Variants in KCMF1 observed in about 807,000 individuals in gnomAD.
KCMF1 encodes E3 ubiquitin-protein ligase KCMF1.
A neutral mutation model predicts 41.1 loss-of-function variants in KCMF1; 3 were observed. The observed-to-expected ratio is 0.07, with a 90% CI of 0.03 to 0.19. The LOEUF (loss-of-function observed/expected upper bound fraction) is 0.19. Ranked by LOEUF, KCMF1 falls within the 10% of genes least tolerant of loss-of-function variation. KCMF1 has a pLI of 1.00. For missense variants in KCMF1, 286 were observed against 488.9 expected (o/e 0.58, Z 3.91); for synonymous variants, 142 against 164.5 (o/e 0.86, Z 1.04).
At position 85,055,516 on chromosome 2, in the gene KCMF1, C is replaced by T. The variant is rs963773258; in HGVS notation, c.*2107C>T. 6.6e-6 allele frequency: 1 copy of T among 152,122 alleles called. No individual in the cohort carries two copies. The highest frequency in any genetic ancestry group is 2.4e-5 in the African/African-American group (1 of 41,436). 9.4% of individuals were successfully genotyped at this position (152,122 alleles called of 1,614,324 possible). ...TTCAGAGCAGTTTAATTTAGATGAT[C>T]ACTTTTAACACTGCAGAAGACCTAA... On this transcript the variant is annotated 3_prime_UTR_variant, in exon 7 of 7. Coordinates refer to ENST00000409785, the MANE Select transcript of KCMF1 (RefSeq NM_020122.5).
At chr2:85,047,670 T>C (rs1205702124) in intron 5 of KCMF1, among the ~76,000 whole-genome samples, 1 of 149,856 alleles carries the variant, frequency 6.7e-6, no homozygotes, top group Admixed American at 6.6e-5. Context: ...ACCTAGGAAG[T>C]TGGTAGCAGA....
At chr2:85,027,081 G>T (rs202154524) in intron 1 of KCMF1, among the ~76,000 whole-genome samples, 2 of 152,058 alleles carry the variant, frequency 1.3e-5, no homozygotes, top group African/African-American at 4.8e-5. Flanking sequence ...GTGTTATTTT[G>T]TGCCCCTAGG....
chr2:85,046,882 G>GACA (rs1205827118), intron 5 of KCMF1, among the ~76,000 whole-genome samples: 1 of 152,064 alleles, frequency 6.6e-6, no homozygotes, highest in Non-Finnish European at 1.5e-5. Flanking sequence ...GTGAGTACAG[G>GACA]ACAATAAGAT....
At chr2:85,039,818 C>CT (rs923326422) in intron 3 of KCMF1, among the ~76,000 whole-genome samples, 18 of 150,884 alleles carry the variant, frequency 1.2e-4, no homozygotes, top group Admixed American at 4.6e-4. Flanking sequence ...ATGTTTTTTC[C>CT]TTTTTTTTTG....
chr2:85,025,633 G>A (rs1675084592), intron 1 of KCMF1, among the ~76,000 whole-genome samples: 2 of 152,142 alleles, frequency 1.3e-5, no homozygotes, highest in East Asian at 3.9e-4. Flanking sequence ...TTTGAGATAG[G>A]AGTCCCGCTC....
intron 1 of KCMF1, among the ~76,000 whole-genome samples, chr2:84,986,703 G>A (rs1047460590): frequency 7.3e-5 from 11 of 151,160 alleles, no homozygotes; most frequent in Non-Finnish European, 1.0e-4. Context: ...TGGTGAAACC[G>A]TGTCTGTACT....
chr2:84,986,235 A>G (rs1460147131), intron 1 of KCMF1, among the ~76,000 whole-genome samples: 1 of 152,152 alleles, frequency 6.6e-6, no homozygotes, highest in Non-Finnish European at 1.5e-5. Flanking sequence ...CTGAAGCAAT[A>G]AGGTCTAAGT....
chr2:85,031,782 C>T (rs997547486), intron 2 of KCMF1, among the ~76,000 whole-genome samples: 2 of 152,206 alleles, frequency 1.3e-5, no homozygotes, highest in Non-Finnish European at 2.9e-5. Context: ...CTCACTGCCA[C>T]CTAGGCTGGA....
chr2:85,051,677 T>C (rs1376897254), intron 6 of KCMF1, among the ~76,000 whole-genome samples: 1 of 152,206 alleles, frequency 6.6e-6, no homozygotes, highest in Non-Finnish European at 1.5e-5. Context: ...TAAGGCAATA[T>C]TTCCCCAGAA....
chr2:85,034,328 G>C (rs1336797102), intron 2 of KCMF1, among the ~76,000 whole-genome samples: 2 of 152,150 alleles, frequency 1.3e-5, no homozygotes, highest in African/African-American at 4.8e-5. Flanking sequence ...ATGGTTGTCT[G>C]TTCTTTCCCT....
At chr2:85,017,173 C>T (rs1344713682) in intron 1 of KCMF1, among the ~76,000 whole-genome samples, 5 of 151,750 alleles carry the variant, frequency 3.3e-5, no homozygotes, top group Non-Finnish European at 7.4e-5. Flanking sequence ...TACAGGCGCC[C>T]GCCACTGCGC....
At chr2:85,029,579 A>G (rs1331001569) in intron 2 of KCMF1, among the ~76,000 whole-genome samples, 1 of 151,546 alleles carries the variant, frequency 6.6e-6, no homozygotes, top group African/African-American at 2.4e-5. Context: ...GGCCTGGCCA[A>G]CAAAGCAAGA....
At chr2:84,981,283 G>A (rs183841258) in intron 1 of KCMF1, among the ~76,000 whole-genome samples, 174 of 151,252 alleles carry the variant, frequency 1.2e-3, no homozygotes, top group Admixed American at 6.3e-3. Context: ...TCCGCCTCCC[G>A]GGTTCATGCC....
At chr2:85,046,008 C>T (rs1675658314) in intron 4 of KCMF1, 96 bp from the exon 5 acceptor site, 1 of 1,004,292 alleles carries the variant, frequency 1.0e-6, no homozygotes, top group Non-Finnish European at 1.4e-6. Context: ...TAAATGCTTA[C>T]AATTCAGGAA....
chr2:84,994,789 A>G (rs1674137083), intron 1 of KCMF1, among the ~76,000 whole-genome samples: 1 of 152,144 alleles, frequency 6.6e-6, no homozygotes, highest in African/African-American at 2.4e-5. Context: ...TAAAATCAGG[A>G]TCCAGATAAG....
Position 85,046,326 on chromosome 2 carries a change from C to T in KCMF1, c.601+48C>T, listed in dbSNP as rs1465919312. The T allele has an allele frequency of 8.6e-6, 13 of 1,512,234 alleles. No homozygotes were observed. The Admixed American group carries it at 2.3e-4, about 27-fold the overall frequency. The allele number at this position is 1,512,234 out of a possible 1,614,324, so 93.7% of individuals were successfully genotyped here. A position where few individuals can be genotyped will look rare whatever the true frequency, so the allele number is the denominator to read the frequency against. On this transcript the variant is annotated intron_variant, in intron 5 of 6. Transcript: ENST00000409785. ...AGGGAAATGGCAGGGGAAGGAGGAG[C>T]TCCTTTTAAAACTTTTTGTGATGCC...
chr2:84,983,461 G>A (rs1673816898), intron 1 of KCMF1, among the ~76,000 whole-genome samples: 1 of 152,048 alleles, frequency 6.6e-6, no homozygotes, highest in South Asian at 2.1e-4. Flanking sequence ...TGAGTGGATA[G>A]GACTACAGAC....
At chr2:84,990,065 G>A (rs1674000709) in intron 1 of KCMF1, among the ~76,000 whole-genome samples, 1 of 152,184 alleles carries the variant, frequency 6.6e-6, no homozygotes, top group Admixed American at 6.6e-5. Context: ...GAAGAATATG[G>A]TCAATAGCAC....
chr2:85,012,062 A>G (rs1440866232), intron 1 of KCMF1, among the ~76,000 whole-genome samples: 2 of 152,200 alleles, frequency 1.3e-5, no homozygotes, highest in South Asian at 2.1e-4. Flanking sequence ...CTTTACTTCA[A>G]GTGTTCTTGA....
Sources: allele counts gnomAD v4.1 joint callset (sites outside exome capture counted in the v4.1 genomes callset), GRCh38; gene constraint gnomAD v4.1.1; transcripts MANE v1.5; gene names NCBI Gene and HGNC (gene_info 2026-07-23, HGNC 2026-07-21).